PROS1: variants seen among roughly 807,000 people sequenced by gnomAD.
PROS1 encodes the protein protein S.
Under a neutral mutation model 75.9 loss-of-function variants are expected in PROS1, and 29 were observed. The observed-to-expected ratio is 0.38, with a 90% CI of 0.28 to 0.52. The LOEUF is 0.52. Ranked by LOEUF, PROS1 falls within the 20% of genes least tolerant of loss-of-function variation. PROS1 has a pLI of 0.83. For synonymous variants in PROS1, 245 were observed against 280.6 expected (o/e 0.87, Z 1.27); for missense variants, 680 against 810.3 (o/e 0.84, Z 1.95).
intron 10 of PROS1, 145 bp downstream of exon 10, chr3:93,892,788 A>C: frequency 1.4e-6 from 1 of 719,778 alleles, no homozygotes; most frequent in Non-Finnish European, 2.5e-6. Flanking sequence ...AGGATGCTTC[A>C]GGGATTTACA....
Position 93,934,488 on chromosome 3 carries a change from C to T in PROS1, c.77-7081G>A, listed in dbSNP as rs139340322. On this transcript the variant is annotated intron_variant, in intron 1 of 14. Transcript: ENST00000394236. ...CATTGAGGATTATGCTGCTATGCAA[C>T]GATTTCTTCTCATATTGTGTTAAGG... 2.7e-3 allele frequency among the ~76,000 whole-genome samples: 411 copies of T among 152,218 alleles called. 2 individuals carry two copies. Among genetic ancestry groups the T allele is most frequent in the South Asian group, 0.015 (71 of 4,828 alleles).
chr3:93,899,700 A>G (rs1473510672), intron 7 of PROS1, among the ~76,000 whole-genome samples: 2 of 152,206 alleles, frequency 1.3e-5, no homozygotes, highest in African/African-American at 4.8e-5. Flanking sequence ...GTTAAAAAAT[A>G]TATTGTAAAA....
intron 1 of PROS1, among the ~76,000 whole-genome samples, chr3:93,970,071 T>G (rs1433459531): frequency 2.6e-5 from 4 of 152,150 alleles, no homozygotes; most frequent in Non-Finnish European, 4.4e-5. Flanking sequence ...TCTCCATCAG[T>G]GCAACATTTT....
chr3:93,880,398 G>A (rs1007825887), intron 12 of PROS1, among the ~76,000 whole-genome samples: 6 of 151,920 alleles, frequency 3.9e-5, no homozygotes, highest in African/African-American at 1.2e-4. Flanking sequence ...GCTACAACTC[G>A]GGAGGCTTGA....
intron 10 of PROS1, among the ~76,000 whole-genome samples, chr3:93,887,850 A>T: frequency 6.6e-6 from 1 of 152,202 alleles, no homozygotes; most frequent in Non-Finnish European, 1.5e-5. Context: ...ACTCCAGGGC[A>T]TTTGGAAAAT....
chr3:93,931,048 C>T (rs1383989280), intron 1 of PROS1, among the ~76,000 whole-genome samples: 6 of 152,270 alleles, frequency 3.9e-5, no homozygotes, highest in Admixed American at 6.5e-5. Context: ...TCTAGTTCAG[C>T]CCAACAATGC....
chr3:93,950,097 C>T (rs1278277312), intron 1 of PROS1, among the ~76,000 whole-genome samples: 2 of 152,166 alleles, frequency 1.3e-5, no homozygotes, highest in African/African-American at 4.8e-5. Context: ...GCACAGCAGT[C>T]TGAGATCAAA....
At chr3:93,955,944 A>C (rs1709591353) in intron 1 of PROS1, among the ~76,000 whole-genome samples, 2 of 152,218 alleles carry the variant, frequency 1.3e-5, no homozygotes, top group South Asian at 4.1e-4. Context: ...CATATATTGA[A>C]CACTTGGTTT....
At chr3:93,914,707 T>TCA (rs926257721) in intron 3 of PROS1, among the ~76,000 whole-genome samples, 3 of 152,096 alleles carry the variant, frequency 2.0e-5, no homozygotes, top group African/African-American at 7.2e-5. Context: ...GGGGAATAGG[T>TCA]GGTGTTTGGT....
intron 1 of PROS1, among the ~76,000 whole-genome samples, chr3:93,951,429 G>A (rs951212146): frequency 1.3e-5 from 2 of 152,172 alleles, no homozygotes; most frequent in African/African-American, 4.8e-5. Context: ...GAAGAGAGTA[G>A]GGGCCAATAT....
At chr3:93,888,094 G>A (rs1014542592) in intron 10 of PROS1, among the ~76,000 whole-genome samples, 1 of 152,142 alleles carries the variant, frequency 6.6e-6, no homozygotes, top group African/African-American at 2.4e-5. Flanking sequence ...TGCATACATA[G>A]ACACAAAATA....
Position 93,973,744 on chromosome 3 carries a change from C to T in PROS1, c.6G>A (p.Arg2=), listed in dbSNP as rs566125037. 2.5e-6 allele frequency: 4 copies of T among 1,612,832 alleles called. No homozygotes were observed. In the African/African-American group the frequency reaches 4.0e-5, roughly 16 times the overall value. Residue 2 remains arginine (R), a synonymous_variant, in exon 1 of 15, where the codon AGG becomes AGA. Transcript: ENST00000394236. ...GCGCCCCGCAGCGCCCACCCAGGAC[C>T]CTCATTTCGAAGCGCGCGGAGGCGC... The part of the protein sequence containing the change: M[R]VLGGRCGALL...
intron 1 of PROS1, among the ~76,000 whole-genome samples, chr3:93,941,800 A>G (rs540929665): frequency 6.6e-6 from 1 of 152,290 alleles, no homozygotes; most frequent in African/African-American, 2.4e-5. Context: ...TAACACTTTT[A>G]GAGGCCCTCA....
chr3:93,968,914 T>C (rs1434933579), intron 1 of PROS1, among the ~76,000 whole-genome samples: 1 of 152,076 alleles, frequency 6.6e-6, no homozygotes, highest in African/African-American at 2.4e-5. Flanking sequence ...CAATAAGGGC[T>C]CGGATTCTTC....
At chr3:93,968,503 C>A (rs183942410) in intron 1 of PROS1, among the ~76,000 whole-genome samples, 1 of 152,264 alleles carries the variant, frequency 6.6e-6, no homozygotes, top group East Asian at 1.9e-4. Flanking sequence ...GTTGTTTAAA[C>A]CACCTACTTT....
At chr3:93,956,697 T>G (rs574788625) in intron 1 of PROS1, among the ~76,000 whole-genome samples, 3 of 152,198 alleles carry the variant, frequency 2.0e-5, no homozygotes, top group Admixed American at 6.5e-5. Context: ...GATCCAGAGA[T>G]TCCAGTATTT....
intron 7 of PROS1, 122 bp from the exon 8 acceptor site, chr3:93,898,691 A>G (rs1367403779): frequency 7.2e-6 from 8 of 1,104,070 alleles, no homozygotes; most frequent in African/African-American, 6.2e-5. Context: ...TTAGGGAAAG[A>G]AATACTATGA....
chr3:93,931,439 GA>G (rs1236814480), intron 1 of PROS1, among the ~76,000 whole-genome samples: 1 of 152,188 alleles, frequency 6.6e-6, no homozygotes, highest in East Asian at 1.9e-4. Flanking sequence ...ATTAACATAT[GA>G]TGTACGATTT....
intron 3 of PROS1, among the ~76,000 whole-genome samples, chr3:93,913,503 A>C (rs1227738249): frequency 6.6e-6 from 1 of 152,140 alleles, no homozygotes; most frequent in Non-Finnish European, 1.5e-5. Flanking sequence ...GCCATGTGGA[A>C]CTGTGAGTCA....
Sources: gnomAD v4.1 joint callset for allele counts (sites outside exome capture counted in the v4.1 genomes callset) on GRCh38, gnomAD v4.1.1 for gene constraint, MANE v1.5 for transcripts, NCBI Gene and HGNC (gene_info 2026-07-23, HGNC 2026-07-21) for gene names.